The following ZNF704 variants were observed in gnomAD, a reference collection of about 807,000 sequenced individuals.
ZNF704 encodes glucocorticoid induced gene 1.
Under a neutral mutation model 44.7 loss-of-function variants are expected in ZNF704, and 10 were observed. That is an observed-to-expected ratio of 0.22 (90% CI 0.14 to 0.38). The LOEUF is 0.38. Ranked by LOEUF, ZNF704 falls within the 10% of genes least tolerant of loss-of-function variation. The pLI is 1.00. For missense variants in ZNF704, 390 were observed against 545.5 expected (o/e 0.71, Z 2.84); for synonymous variants, 211 against 207.6 (o/e 1.02, Z -0.14).
At chr8:80,744,973 T>TA (rs1806821156) in intron 2 of ZNF704, among the ~76,000 whole-genome samples, 4 of 152,160 alleles carry the variant, frequency 2.6e-5, no homozygotes, top group African/African-American at 9.7e-5. Flanking sequence ...TTGTATGCAT[T>TA]AAAAACTGTA....
At position 80,790,524 on chromosome 8, in the gene ZNF704, T is replaced by A. The variant is rs188710796; in HGVS notation, c.221+30850A>T. Among the ~76,000 whole-genome samples, 11 of 152,316 alleles carry A rather than the reference T, an allele frequency of 7.2e-5. No individual in the cohort carries two copies. In the East Asian group the frequency reaches 2.1e-3, roughly 29 times the overall value. On this transcript the variant is annotated intron_variant, in intron 2 of 8. Transcript: ENST00000327835. Reference sequence around the variant, plus strand: ...CATGAGGTGGGACCAGTTTACAGACTTTTTTAAAAAACAATGACAGGAAAT... The same window carrying A: ...CATGAGGTGGGACCAGTTTACAGACATTTTTAAAAAACAATGACAGGAAAT...
intron 1 of ZNF704, among the ~76,000 whole-genome samples, chr8:80,847,820 T>C (rs1452304625): frequency 6.6e-6 from 1 of 152,204 alleles, no homozygotes; most frequent in Non-Finnish European, 1.5e-5. Flanking sequence ...TCAAAATACA[T>C]TGTTGGTACA....
At position 80,631,298 on chromosome 8, in the gene ZNF704, C is replaced by A. The variant is rs1383886890; in HGVS notation, c.*10068G>T. 1 of 152,232 alleles carries A rather than the reference C, an allele frequency of 6.6e-6. No individual in the cohort carries two copies. Among genetic ancestry groups the A allele is most frequent in the African/African-American group, 2.4e-5 (1 of 41,456 alleles). The allele number at this position is 152,232 out of a possible 1,614,324, so 9.4% of individuals were successfully genotyped here. ...CTGGCAGCCGCTCTTCCTCTTTCCT[C>A]TCGGTCCCAGCCATCTGTGCCCAAA... On this transcript the variant is annotated 3_prime_UTR_variant, in exon 9 of 9. Transcript: ENST00000327835.
chr8:80,799,742 C>G (rs769867450), intron 2 of ZNF704, among the ~76,000 whole-genome samples: 1 of 152,040 alleles, frequency 6.6e-6, no homozygotes, highest in Non-Finnish European at 1.5e-5. Flanking sequence ...ACTCAAAAAG[C>G]CAGACTGCCT....
chr8:80,631,305 C>T lies in ZNF704; in HGVS notation c.*10061G>A, dbSNP rs1817581029. On this transcript the variant is annotated 3_prime_UTR_variant, in exon 9 of 9. Coordinates refer to ENST00000327835, the MANE Select transcript of ZNF704 (RefSeq NM_001033723.3). The stretch of plus-strand genomic sequence containing the variant: ...CCGCTCTTCCTCTTTCCTCTCGGTC[C>T]CAGCCATCTGTGCCCAAAACATAGG... The T allele has an allele frequency of 6.6e-6, 1 of 152,142 alleles. No homozygotes were observed. Among genetic ancestry groups the T allele is most frequent in the Non-Finnish European group, 1.5e-5 (1 of 68,036 alleles). The allele number at this position is 152,142 out of a possible 1,614,324, so 9.4% of individuals were successfully genotyped here.
At chr8:80,655,804 C>T (rs1818005437) in intron 7 of ZNF704, among the ~76,000 whole-genome samples, 1 of 152,158 alleles carries the variant, frequency 6.6e-6, no homozygotes, top group African/African-American at 2.4e-5. Context: ...AATTCTGAAT[C>T]TTCCCTCAAG....
intron 2 of ZNF704, among the ~76,000 whole-genome samples, chr8:80,695,191 C>A (rs1402083604): frequency 2.4e-4 from 36 of 152,190 alleles, no homozygotes; most frequent in Non-Finnish European, 5.9e-5. Flanking sequence ...TCAATCTGCC[C>A]ATGTAACGCT....
At chr8:80,846,125 C>T (rs759959040) in intron 1 of ZNF704, among the ~76,000 whole-genome samples, 2 of 152,000 alleles carry the variant, frequency 1.3e-5, no homozygotes, top group Non-Finnish European at 2.9e-5. Flanking sequence ...CCTGATTAAA[C>T]CAGTTTTTTG....
Position 80,632,483 on chromosome 8 carries a change from A to C in ZNF704, c.*8883T>G, listed in dbSNP as rs1386012056. 6.6e-6 allele frequency: 1 copy of C among 152,202 alleles called. No homozygotes were observed. Among genetic ancestry groups the C allele is most frequent in the Non-Finnish European group, 1.5e-5 (1 of 68,048 alleles). 9.4% of individuals were successfully genotyped at this position (152,202 alleles called of 1,614,324 possible). A position where few individuals can be genotyped will look rare whatever the true frequency, so the allele number is the denominator to read the frequency against. ...TGGGATTATAGGCGTGAACCACTGC[A>C]TCTGGCCAATTCTGGTTAATTTTCT... On this transcript the variant is annotated 3_prime_UTR_variant, in exon 9 of 9. Transcript: ENST00000327835.
chr8:80,856,589 T>A (rs886590376), intron 1 of ZNF704, among the ~76,000 whole-genome samples: 1 of 152,186 alleles, frequency 6.6e-6, no homozygotes, highest in Non-Finnish European at 1.5e-5. Context: ...TTTTTTGTTT[T>A]TCTTCCTTCC....
chr8:80,750,928 C>G (rs1162468727), intron 2 of ZNF704, among the ~76,000 whole-genome samples: 1 of 152,198 alleles, frequency 6.6e-6, no homozygotes, highest in African/African-American at 2.4e-5. Context: ...CTGAAGACAT[C>G]TTGGGGTGAC....
At chr8:80,865,037 C>T (rs765917532) in intron 1 of ZNF704, among the ~76,000 whole-genome samples, 42 of 152,266 alleles carry the variant, frequency 2.8e-4, no homozygotes, top group East Asian at 5.8e-4. Context: ...CATATTATGA[C>T]GGAACACCAC....
intron 1 of ZNF704, among the ~76,000 whole-genome samples, chr8:80,863,761 T>C (rs897545795): frequency 2.6e-5 from 4 of 152,224 alleles, no homozygotes; most frequent in Admixed American, 6.5e-5. Flanking sequence ...ATCCCTTTAC[T>C]TGTAATAGCA....
At chr8:80,779,838 T>G (rs918955874) in intron 2 of ZNF704, among the ~76,000 whole-genome samples, 4 of 151,380 alleles carry the variant, frequency 2.6e-5, no homozygotes, top group Non-Finnish European at 5.9e-5. Flanking sequence ...ACTTTAGAAT[T>G]ACTTTTCTTA....
chr8:80,790,301 G>C (rs1443809030), intron 2 of ZNF704, among the ~76,000 whole-genome samples: 1 of 152,188 alleles, frequency 6.6e-6, no homozygotes, highest in African/African-American at 2.4e-5. Flanking sequence ...TAGAGTTACA[G>C]TGGTTGGCCC....
At chr8:80,866,619 G>GT (rs1297787371) in intron 1 of ZNF704, among the ~76,000 whole-genome samples, 4 of 152,296 alleles carry the variant, frequency 2.6e-5, no homozygotes, top group African/African-American at 9.6e-5. Flanking sequence ...TCAAGTCATT[G>GT]TAACAAGGCT....
At chr8:80,808,403 A>T (rs1002532783) in intron 2 of ZNF704, among the ~76,000 whole-genome samples, 3 of 152,226 alleles carry the variant, frequency 2.0e-5, no homozygotes, top group Non-Finnish European at 4.4e-5. Flanking sequence ...CACAAAGTGC[A>T]TCTCTTTTTA....
At chr8:80,684,322 C>A (rs1009867306) in intron 4 of ZNF704, among the ~76,000 whole-genome samples, 2 of 152,186 alleles carry the variant, frequency 1.3e-5, no homozygotes, top group African/African-American at 2.4e-5. Flanking sequence ...TATGTATACA[C>A]TGAAACAAAA....
At position 80,686,908 on chromosome 8, in the gene ZNF704, G is replaced by A. The variant is rs1210109744; in HGVS notation, c.558+318C>T. ...AAAATAAGTCCCACGAAGAGAGCGA[G>A]TTCATACCGAAGCAAGCCTGAGGTC... On this transcript the variant is annotated intron_variant, in intron 4 of 8. Transcript: ENST00000327835. Among the ~76,000 whole-genome samples, 5 of 152,272 alleles carry A rather than the reference G, an allele frequency of 3.3e-5. No homozygotes were observed. The South Asian group carries it at 8.3e-4, about 25-fold the overall frequency.
Sources: gnomAD v4.1 joint callset for allele counts (sites outside exome capture counted in the v4.1 genomes callset) on GRCh38, gnomAD v4.1.1 for gene constraint, MANE v1.5 for transcripts, NCBI Gene and HGNC (gene_info 2026-07-23, HGNC 2026-07-21) for gene names.